The following TMEM132C variants were observed in gnomAD, a reference collection of about 807,000 sequenced individuals.
TMEM132C encodes protein phosphatase 1, regulatory subunit 152.
Under a neutral mutation model 61.4 loss-of-function variants are expected in TMEM132C, and 29 were observed. The ratio of observed to expected loss-of-function variants is 0.47; its 90% CI spans 0.35 to 0.64. The LOEUF (loss-of-function observed/expected upper bound fraction) is 0.64. TMEM132C is among the 30% of genes least tolerant of loss of function. TMEM132C has a pLI of 0.00. For synonymous variants in TMEM132C, 656 were observed against 633.1 expected, an observed-to-expected ratio of 1.04 and a Z score of -0.54; for missense variants, 1,408 against 1,476.9, an observed-to-expected ratio of 0.95 and a Z score of 0.76.
chr12:128,581,676 G>A (rs968971965), intron 3 of TMEM132C, among the ~76,000 whole-genome samples: 2 of 152,232 alleles, frequency 1.3e-5, no homozygotes, highest in African/African-American at 2.4e-5. Flanking sequence ...CGATTTGCCT[G>A]ACTTCTCATC....
At chr12:128,687,955 T>A (rs2135646722) in intron 5 of TMEM132C, among the ~76,000 whole-genome samples, 1 of 152,186 alleles carries the variant, frequency 6.6e-6, no homozygotes, top group East Asian at 1.9e-4. Flanking sequence ...TACCCACCCC[T>A]TGGATCAGCA....
chr12:128,578,231 C>G (rs1345442737), intron 3 of TMEM132C, among the ~76,000 whole-genome samples: 1 of 152,210 alleles, frequency 6.6e-6, no homozygotes, highest in Non-Finnish European at 1.5e-5. Context: ...TCTTAATCCT[C>G]TTTTGTATGA....
At chr12:128,324,052 T>C (rs1158356791) in intron 1 of TMEM132C, among the ~76,000 whole-genome samples, 2 of 152,170 alleles carry the variant, frequency 1.3e-5, no homozygotes, top group East Asian at 3.8e-4. Context: ...TCCCCAGATA[T>C]GCTCTGTGCT....
chr12:128,451,328 G>C (rs1870168163), intron 2 of TMEM132C, among the ~76,000 whole-genome samples: 1 of 152,180 alleles, frequency 6.6e-6, no homozygotes, highest in Non-Finnish European at 1.5e-5. Flanking sequence ...AAGTTCAAGA[G>C]AAAGAAAAGA....
chr12:128,633,511 CTTTTCAG>C lies in TMEM132C; in HGVS notation c.1305+17181_1305+17187del, dbSNP rs891309225. On this transcript the variant is annotated intron_variant, in intron 4 of 8. Coordinates refer to ENST00000435159, the MANE Select transcript of TMEM132C (RefSeq NM_001136103.3). ...ACTGTGTCATCTTGAGTTTCAAAAA[CTTTTCAG>C]TTTTAATTTCTAATGCAATGAGTAT... Among the ~76,000 whole-genome samples the C allele has an allele frequency of 3.3e-4, 51 of 152,288 alleles. 2 individuals carry two copies. Among genetic ancestry groups the C allele is most frequent in the African/African-American group, 1.2e-3 (51 of 41,562 alleles).
At chr12:128,687,834 C>T (rs1235185616) in intron 5 of TMEM132C, among the ~76,000 whole-genome samples, 1 of 152,120 alleles carries the variant, frequency 6.6e-6, no homozygotes, top group Non-Finnish European at 1.5e-5. Flanking sequence ...TCCAAACAAG[C>T]CCACAGTCTG....
chr12:128,440,303 T>TAAC, intron 2 of TMEM132C, among the ~76,000 whole-genome samples: 1 of 152,168 alleles, frequency 6.6e-6, no homozygotes, highest in Non-Finnish European at 1.5e-5. Context: ...TAGTTGTAGT[T>TAAC]CTCAACTGCA....
At chr12:128,491,858 T>A (rs889273884) in intron 2 of TMEM132C, among the ~76,000 whole-genome samples, 4 of 152,086 alleles carry the variant, frequency 2.6e-5, no homozygotes, top group African/African-American at 9.7e-5. Flanking sequence ...AGTTCTTTTT[T>A]TTTTTTTTAT....
At chr12:128,587,563 G>A (rs1875596998) in intron 3 of TMEM132C, among the ~76,000 whole-genome samples, 1 of 152,224 alleles carries the variant, frequency 6.6e-6, no homozygotes, top group Non-Finnish European at 1.5e-5. Flanking sequence ...CGTAGCAGAT[G>A]ACTTTATGTG....
At chr12:128,509,299 G>A (rs556168444) in intron 2 of TMEM132C, among the ~76,000 whole-genome samples, 9 of 152,264 alleles carry the variant, frequency 5.9e-5, no homozygotes, top group South Asian at 4.2e-4. Context: ...GGGAAAGAGC[G>A]GGCGGGAGGG....
chr12:128,551,225 T>G (rs1267786249), intron 3 of TMEM132C, among the ~76,000 whole-genome samples: 2 of 144,806 alleles, frequency 1.4e-5, no homozygotes, highest in African/African-American at 5.5e-5. Context: ...CCCCTCCCGC[T>G]TCCTCCCCTG....
intron 2 of TMEM132C, among the ~76,000 whole-genome samples, chr12:128,431,865 A>G (rs1390414918): frequency 2.0e-5 from 3 of 152,140 alleles, no homozygotes; most frequent in African/African-American, 7.2e-5. Context: ...GGAGAAGACA[A>G]TGCCTGGCTT....
Position 128,512,075 on chromosome 12 carries a change from G to A in TMEM132C, c.975-31882G>A, listed in dbSNP as rs568021438. 5.3e-5 allele frequency among the ~76,000 whole-genome samples: 8 copies of A among 151,996 alleles called. No homozygotes were observed. The East Asian group carries it at 9.7e-4, about 18-fold the overall frequency. On this transcript the variant is annotated intron_variant, in intron 2 of 8. Coordinates refer to ENST00000435159, the MANE Select transcript of TMEM132C (RefSeq NM_001136103.3). ...TGTCGGCCACAGGCACTTTCCTACCGCACTGCCAGTTTTTTTTTTCTTTTT... is the reference window on the plus strand; with the variant it reads ...TGTCGGCCACAGGCACTTTCCTACCACACTGCCAGTTTTTTTTTTCTTTTT...
chr12:128,393,130 G>A (rs199557423), intron 1 of TMEM132C, among the ~76,000 whole-genome samples: 1 of 152,202 alleles, frequency 6.6e-6, no homozygotes, highest in East Asian at 1.9e-4. Context: ...TTAAAATAGT[G>A]CTTTATTGAC....
chr12:128,381,437 C>G (rs886974545), intron 1 of TMEM132C, among the ~76,000 whole-genome samples: 1 of 152,182 alleles, frequency 6.6e-6, no homozygotes, highest in Non-Finnish European at 1.5e-5. Flanking sequence ...CCCTGGGAGC[C>G]GGTCTTCAGG....
chr12:128,599,432 GA>G (rs1488859648), intron 3 of TMEM132C, among the ~76,000 whole-genome samples: 2 of 152,238 alleles, frequency 1.3e-5, no homozygotes, highest in Non-Finnish European at 2.9e-5. Context: ...CTGGGGCAGC[GA>G]TGATGGCCAG....
At chr12:128,615,044 T>C (rs1398696578) in intron 3 of TMEM132C, among the ~76,000 whole-genome samples, 1 of 152,230 alleles carries the variant, frequency 6.6e-6, no homozygotes, top group Non-Finnish European at 1.5e-5. Flanking sequence ...TCCTGGCTGC[T>C]GCTCTAGAAC....
chr12:128,421,676 G>A (rs1386426338), intron 2 of TMEM132C, among the ~76,000 whole-genome samples: 5 of 152,166 alleles, frequency 3.3e-5, no homozygotes, highest in African/African-American at 9.7e-5. Flanking sequence ...GGCAACCCTC[G>A]CTTTATAATC....
At chr12:128,496,837 A>G (rs182416477) in intron 2 of TMEM132C, among the ~76,000 whole-genome samples, 12 of 152,312 alleles carry the variant, frequency 7.9e-5, no homozygotes, top group East Asian at 5.8e-4. Flanking sequence ...CAACTCGTCA[A>G]AGTCATTCTC....
Sources: gnomAD v4.1 joint callset for allele counts (sites outside exome capture counted in the v4.1 genomes callset) on GRCh38, gnomAD v4.1.1 for gene constraint, MANE v1.5 for transcripts, NCBI Gene and HGNC (gene_info 2026-07-23, HGNC 2026-07-21) for gene names.